The following ASTN2 variants were observed in gnomAD, a reference collection of about 807,000 sequenced individuals.
ASTN2 encodes the protein astrotactin-2.
A neutral mutation model predicts 139.8 loss-of-function variants in ASTN2; 54 were observed. The observed-to-expected ratio is 0.39, with a 90% confidence interval of 0.31 to 0.48. ASTN2 has a LOEUF of 0.48. Ranked by LOEUF, ASTN2 falls within the 20% of genes least tolerant of loss-of-function variation. The probability of loss-of-function intolerance (pLI) is 0.95; values close to 1 mark genes in which losing one functional copy is unlikely to be tolerated. For synonymous variants in ASTN2, 756 were observed against 719.5 expected (o/e 1.05, Z -0.81); for missense variants, 1,565 against 1,725.1 (o/e 0.91, Z 1.64).
rs182549286 is a variant in ASTN2, at chr9:117,029,088, C to T, written c.1423+10731G>A. 7.9e-5 allele frequency among the ~76,000 whole-genome samples: 12 copies of T among 152,278 alleles called. No homozygotes were observed. In the East Asian group the frequency reaches 2.3e-3, roughly 29 times the overall value. ...AATAATTCTGTTCAACCTCTTCCCA[C>T]CTGTGTAACACTAAGATGGTCATAT... is the stretch of plus-strand genomic sequence containing the variant. On this transcript the variant is annotated intron_variant, in intron 6 of 22. Coordinates refer to ENST00000313400, the MANE Select transcript of ASTN2 (RefSeq NM_001365068.1).
chr9:116,580,945 TAGA>T (rs1853923694), intron 19 of ASTN2, among the ~76,000 whole-genome samples: 1 of 151,562 alleles, frequency 6.6e-6, no homozygotes, highest in African/African-American at 2.4e-5. Context: ...TTGAGGGTGT[TAGA>T]AGGAGACCAA....
chr9:116,811,917 A>T (rs930971964), intron 12 of ASTN2, among the ~76,000 whole-genome samples: 2 of 152,080 alleles, frequency 1.3e-5, no homozygotes, highest in African/African-American at 4.8e-5. Flanking sequence ...CCATTCTTTG[A>T]TTCCTTTTTT....
intron 4 of ASTN2, among the ~76,000 whole-genome samples, chr9:117,098,291 T>C (rs1229033017): frequency 6.6e-6 from 1 of 152,160 alleles, no homozygotes; most frequent in Non-Finnish European, 1.5e-5. Context: ...ATGAGGCAAG[T>C]GATGCTCAGA....
intron 19 of ASTN2, among the ~76,000 whole-genome samples, chr9:116,533,202 A>G (rs1046742257): frequency 2.6e-5 from 4 of 152,190 alleles, no homozygotes; most frequent in Non-Finnish European, 4.4e-5. Context: ...ATTTTTGCAC[A>G]TTGATTTTGT....
intron 16 of ASTN2, among the ~76,000 whole-genome samples, chr9:116,694,464 T>TTTTTTA: frequency 7.7e-6 from 1 of 130,428 alleles, no homozygotes; most frequent in Non-Finnish European, 1.6e-5. Context: ...TTTCTCTTTT[T>TTTTTTA]TTTTTTTTTT....
At chr9:117,153,285 A>C (rs1041367170) in intron 3 of ASTN2, among the ~76,000 whole-genome samples, 1 of 152,090 alleles carries the variant, frequency 6.6e-6, no homozygotes, top group African/African-American at 2.4e-5. Context: ...AGCATGGAGC[A>C]GAGTCACCTT....
intron 3 of ASTN2, among the ~76,000 whole-genome samples, chr9:117,192,391 G>GAAAAAAAA (rs56332042): frequency 0.32 from 47,495 of 148,324 alleles, 7,632 homozygotes; most frequent in East Asian, 0.41. Context: ...CAGTGGCAAA[G>GAAAAAAAA]AAAAAAAAGA....
chr9:116,436,349 G>A (rs1358097100), intron 22 of ASTN2, among the ~76,000 whole-genome samples: 1 of 152,114 alleles, frequency 6.6e-6, no homozygotes, highest in Non-Finnish European at 1.5e-5. Flanking sequence ...TAGAAGAGGA[G>A]ACCCAGCAGG....
intron 1 of ASTN2, among the ~76,000 whole-genome samples, chr9:117,326,175 TTTTAA>T (rs1212394877): frequency 6.6e-6 from 1 of 152,194 alleles, no homozygotes; most frequent in African/African-American, 2.4e-5. Flanking sequence ...TCTGTTTTTT[TTTTAA>T]TTTAACAAAA....
intron 22 of ASTN2, among the ~76,000 whole-genome samples, chr9:116,435,713 G>A (rs180811044): frequency 2.8e-4 from 43 of 152,154 alleles, no homozygotes; most frequent in African/African-American, 9.4e-4. Flanking sequence ...CTTTTACAAG[G>A]ATTCTTCCTT....
chr9:116,803,102 GC>G (rs1830911597), intron 13 of ASTN2, among the ~76,000 whole-genome samples: 1 of 151,970 alleles, frequency 6.6e-6, no homozygotes, highest in African/African-American at 2.4e-5. Context: ...CATCTTGCAA[GC>G]TTTTAAATTT....
At chr9:116,997,870 C>T (rs1480536533) in intron 7 of ASTN2, among the ~76,000 whole-genome samples, 1 of 152,148 alleles carries the variant, frequency 6.6e-6, no homozygotes, top group Non-Finnish European at 1.5e-5. Flanking sequence ...TTCTTGATAT[C>T]TCACCAAAAT....
At chr9:117,019,371 C>T (rs1742595951) in intron 6 of ASTN2, among the ~76,000 whole-genome samples, 1 of 151,950 alleles carries the variant, frequency 6.6e-6, no homozygotes, top group African/African-American at 2.4e-5. Flanking sequence ...TACATGGGGC[C>T]AAGCATCCAA....
intron 13 of ASTN2, among the ~76,000 whole-genome samples, chr9:116,742,846 G>T (rs1829129938): frequency 6.6e-6 from 1 of 152,166 alleles, no homozygotes; most frequent in South Asian, 2.1e-4. Context: ...GGCAGGGATG[G>T]TAGATGAGGC....
intron 1 of ASTN2, among the ~76,000 whole-genome samples, chr9:117,392,123 A>G (rs1365068487): frequency 6.6e-6 from 1 of 152,190 alleles, no homozygotes; most frequent in African/African-American, 2.4e-5. Context: ...GCAGCATGTG[A>G]GAATGGATTG....
chr9:117,060,430 G>GA (rs1491208210), intron 5 of ASTN2, among the ~76,000 whole-genome samples: 16 of 83,546 alleles, frequency 1.9e-4, no homozygotes, highest in African/African-American at 2.7e-4. Context: ...AAGGAAGGAA[G>GA]GAAGAGAGAG....
intron 10 of ASTN2, among the ~76,000 whole-genome samples, chr9:116,956,837 A>C (rs927723414): frequency 1.2e-4 from 19 of 152,338 alleles, no homozygotes; most frequent in African/African-American, 4.6e-4. Context: ...TGTAGCACCA[A>C]AAAGAATGAA....
At chr9:116,965,848 A>C (rs941979132) in intron 10 of ASTN2, among the ~76,000 whole-genome samples, 3 of 152,194 alleles carry the variant, frequency 2.0e-5, no homozygotes, top group Non-Finnish European at 4.4e-5. Flanking sequence ...TCTATGTTCA[A>C]ATTCTAATTC....
At chr9:116,764,439 C>T (rs1157784995) in intron 13 of ASTN2, among the ~76,000 whole-genome samples, 1 of 152,176 alleles carries the variant, frequency 6.6e-6, no homozygotes, top group African/African-American at 2.4e-5. Context: ...CTTCTTCTCC[C>T]TGGTCCTCCT....
Sources: allele counts gnomAD v4.1 joint callset (sites outside exome capture counted in the v4.1 genomes callset), GRCh38; gene constraint gnomAD v4.1.1; transcripts MANE v1.5; gene names NCBI Gene and HGNC (gene_info 2026-07-23, HGNC 2026-07-21).